The following RIF1 variants were observed in gnomAD, a reference collection of about 807,000 sequenced individuals.
RIF1 encodes the protein telomere-associated protein RIF1.
A neutral mutation model predicts 247.1 loss-of-function variants in RIF1; 45 were observed. The observed-to-expected ratio is 0.18, with a 90% CI of 0.14 to 0.23. RIF1 has a LOEUF of 0.23. Among genes scored for constraint, RIF1 ranks in the 10% least tolerant of loss-of-function variants. The pLI, the probability that RIF1 is intolerant of heterozygous loss-of-function variation, is 1.00. For synonymous variants in RIF1, 1,087 were observed against 978.8 expected (o/e 1.11, Z -2.06); for missense variants, 2,967 against 2,862.5 (o/e 1.04, Z -0.83).
At chr2:151,472,195 GCTT>G (rs1301757573) in intron 34 of RIF1, among the ~76,000 whole-genome samples, 1 of 152,172 alleles carries the variant, frequency 6.6e-6, no homozygotes, top group Admixed American at 6.6e-5. Flanking sequence ...GTATATGAAT[GCTT>G]GTGATTTTTG....
intron 10 of RIF1, chr2:151,499,318 T>C (rs1290749448): frequency 6.6e-7 from 1 of 1,524,476 alleles, no homozygotes; most frequent in East Asian, 2.5e-5. Flanking sequence ...TTTTCTTGAT[T>C]GTGTTTGACT....
chr2:151,440,147 G>A lies in RIF1; in HGVS notation c.1647+20G>A, dbSNP rs747525152. 6 of 1,284,790 alleles carry A rather than the reference G, an allele frequency of 4.7e-6. No homozygotes were observed. Among genetic ancestry groups the A allele is most frequent in the South Asian group, 3.9e-5 (3 of 77,770 alleles). 79.6% of individuals were successfully genotyped at this position (1,284,790 alleles called of 1,614,324 possible). A position where few individuals can be genotyped will look rare whatever the true frequency, so the allele number is the denominator to read the frequency against. ...ACGCTGGTAAGTATAATACCCGTAT[G>A]TTGGACTTTAAAAACCATTTTCTGA... On this transcript the variant is annotated intron_variant, in intron 15 of 35. Transcript: ENST00000444746.
At chr2:151,497,487 G>GA in intron 10 of RIF1, 2 of 1,472,322 alleles carry the variant, frequency 1.4e-6, no homozygotes, top group Non-Finnish European at 8.9e-7. Flanking sequence ...TAGCCCAAAG[G>GA]AAAAAAGGAT....
chr2:151,437,167 T>G, intron 12 of RIF1, 74 bp from the exon 13 acceptor site: 2 of 1,299,978 alleles, frequency 1.5e-6, no homozygotes, highest in Non-Finnish European at 1.1e-6. Context: ...ATAGACATTT[T>G]AAAGTTTTAT....
chr2:151,517,032 G>A, the RIF1 span, among the ~76,000 whole-genome samples: 4 of 152,062 alleles, frequency 2.6e-5, no homozygotes, highest in Non-Finnish European at 4.4e-5. Flanking sequence ...ATAACACATG[G>A]AGCTTTATTT....
At chr2:151,461,787 T>C (rs929886574) in intron 27 of RIF1, among the ~76,000 whole-genome samples, 1 of 152,230 alleles carries the variant, frequency 6.6e-6, no homozygotes, top group African/African-American at 2.4e-5. Flanking sequence ...ATTTATAAAC[T>C]GAATTTCTTC....
At chr2:151,500,829 G>A (rs2063911725) in intron 11 of RIF1, among the ~76,000 whole-genome samples, 1 of 151,940 alleles carries the variant, frequency 6.6e-6, no homozygotes, top group Non-Finnish European at 1.5e-5. Context: ...GACCTCCTGG[G>A]CTCAAGTGAT....
rs1355555135 is a variant in RIF1 at position 151,489,400 on chromosome 2, A to G, written c.*416-5829A>G. 2.6e-5 allele frequency among the ~76,000 whole-genome samples: 4 copies of G among 152,268 alleles called. No homozygotes were observed. The East Asian group carries it at 5.8e-4, about 22-fold the overall frequency. On this transcript the variant is annotated intron_variant and NMD_transcript_variant, in intron 9 of 13. Coordinates refer to the RIF1 transcript ENST00000454583. ...ATATGTGGGCACATTGCATACATCT[A>G]TACATTCTTGATTTTTGAGACAGGG... is the stretch of plus-strand genomic sequence containing the variant.
intron 7 of RIF1, among the ~76,000 whole-genome samples, chr2:151,422,466 T>C (rs145736315): frequency 6.2e-4 from 94 of 152,132 alleles, no homozygotes; most frequent in African/African-American, 2.0e-3. Flanking sequence ...TCGGATTTGC[T>C]ATATGCTTCA....
chr2:151,510,433 A>G (rs1175912832), downstream of RIF1, among the ~76,000 whole-genome samples: 1 of 152,226 alleles, frequency 6.6e-6, no homozygotes, highest in Non-Finnish European at 1.5e-5. Flanking sequence ...TTAGTACTCA[A>G]ACAGTTGTTA....
At chr2:151,413,887 A>C (rs1455222677) in intron 3 of RIF1, among the ~76,000 whole-genome samples, 2 of 152,244 alleles carry the variant, frequency 1.3e-5, no homozygotes, top group Non-Finnish European at 2.9e-5. Flanking sequence ...TTGAAGATAA[A>C]TCCCTTTGGA....
chr2:151,534,303 T>A, the RIF1 span: 2 of 1,613,442 alleles, frequency 1.2e-6, no homozygotes, highest in South Asian at 2.2e-5. Flanking sequence ...CTGCTCATAA[T>A]CAGCTCTGTA....
intron 9 of RIF1, among the ~76,000 whole-genome samples, chr2:151,432,423 T>G (rs1215651292): frequency 6.6e-6 from 1 of 152,224 alleles, no homozygotes; most frequent in Non-Finnish European, 1.5e-5. Context: ...ATTTAATTTC[T>G]ATGCTGAATT....
Position 151,410,500 on chromosome 2 carries a change from A to C in RIF1, c.77A>C (p.Gln26Pro). 4 of 1,614,000 alleles carry C rather than the reference A, an allele frequency of 2.5e-6. No homozygotes were observed. The highest frequency in any genetic ancestry group is 3.4e-6 in the Non-Finnish European group (4 of 1,179,978). ...LEDPSASHGGQTDAYLTLTSR... is the reference protein window; with the variant it reads ...LEDPSASHGGPTDAYLTLTSR... ...GACCCTTCTGCCTCCCATGGAGGGC[A>C]GACTGACGCTTACCTGACTCTGACC... Residue 26 changes from glutamine (Q) to proline (P), a missense_variant, in exon 2 of 36, where the codon CAG (glutamine) becomes CCG (proline). Around this residue, in one of 7 missense-constraint regions of RIF1, gnomAD observed 269 missense variants for 288.6 expected, o/e 0.93. Transcript: ENST00000444746.
At chr2:151,486,615 G>A (rs1449531216), downstream of RIF1, 2 of 152,260 alleles carry the variant, frequency 1.3e-5, no homozygotes, top group African/African-American at 4.8e-5. Context: ...CCCACCAACT[G>A]ATGAATGCAT....
intron 4 of RIF1, among the ~76,000 whole-genome samples, 165 bp downstream of exon 4, chr2:151,415,084 A>ACGCCTGTAATCCTAGCACTTTGGGAG (rs1175174420): frequency 7.9e-5 from 12 of 152,086 alleles, no homozygotes; most frequent in African/African-American, 2.9e-4. Context: ...GTGGTGGCTC[A>ACGCCTGTAATCCTAGCACTTTGGGAG]CGCCTGTAAT....
At chr2:151,509,178 CCA>C, downstream of RIF1, among the ~76,000 whole-genome samples, 1 of 152,094 alleles carries the variant, frequency 6.6e-6, no homozygotes, top group Non-Finnish European at 1.5e-5. Flanking sequence ...GCAGTTTCAG[CCA>C]ATGAGAGATG....
chr2:151,486,149 C>T, downstream of RIF1: 1 of 500,196 alleles, frequency 2.0e-6, no homozygotes, highest in South Asian at 3.1e-5. Context: ...ATATGACGAA[C>T]TCCTACAACT....
chr2:151,475,008 A>C lies in RIF1; in HGVS notation c.7356A>C (p.Ala2452=). 1.9e-6 allele frequency: 3 copies of C among 1,613,774 alleles called. No individual in the cohort carries two copies. Among genetic ancestry groups the C allele is most frequent in the Middle Eastern group, 3.3e-4 (2 of 6,052 alleles). ...FEMHEKLSCM[A]NSVIKNLQSR... ...TGCACGAGAAACTAAGTTGTATGGC[A>C]AACTCTGTAATAAAAAATCTACAGT... Residue 2452 remains alanine (A), a synonymous_variant, in exon 36 of 36, where the codon GCA becomes GCC. Transcript: ENST00000444746.
Sources: allele counts gnomAD v4.1 joint callset (sites outside exome capture counted in the v4.1 genomes callset), GRCh38; gene constraint gnomAD v4.1.1; regional missense constraint gnomAD v4.1.1; transcripts MANE v1.5; gene names NCBI Gene and HGNC (gene_info 2026-07-23, HGNC 2026-07-21).